Variants in ADGRG4 observed in about 807,000 individuals in gnomAD.
ADGRG4 encodes adhesion G protein-coupled receptor G4.
Under a neutral mutation model 126.2 loss-of-function variants are expected in ADGRG4, and 122 were observed. The ratio of observed to expected loss-of-function variants is 0.97; its 90% CI spans 0.83 to 1.12. The LOEUF is 1.12. Among genes scored for constraint, ADGRG4 ranks in the 50% most tolerant of loss-of-function variants. ADGRG4 has a pLI of 0.00. For synonymous variants in ADGRG4, 943 were observed against 838.7 expected, an observed-to-expected ratio of 1.12 and a Z score of -2.15; for missense variants, 2,481 against 2,251.8, an observed-to-expected ratio of 1.10 and a Z score of -2.06.
At chrX:136,303,025 T>G (rs1443362452) in intron 1 of ADGRG4, among the ~76,000 whole-genome samples, 1 of 111,777 alleles carries the variant, frequency 8.9e-6, no homozygotes, top group Non-Finnish European at 1.9e-5. Flanking sequence ...TTTTATAGTA[T>G]GTTTAAAAGC....
intron 5 of ADGRG4, among the ~76,000 whole-genome samples, chrX:136,337,081 C>T (rs1037783023): frequency 2.7e-5 from 3 of 111,099 alleles, no homozygotes; most frequent in East Asian, 5.6e-4. Flanking sequence ...CCTCCTGTCT[C>T]GGTTTCCCAA....
intron 15 of ADGRG4, among the ~76,000 whole-genome samples, chrX:136,380,599 TCCTCC>T (rs1569332953): frequency 8.3e-5 from 7 of 84,221 alleles, no homozygotes; most frequent in African/African-American, 1.4e-4. Context: ...CTCCTCCTCC[TCCTCC>T]TCTTCTTCTT....
At position 136,349,974 on chromosome X, in the gene ADGRG4, A is replaced by G. The variant is rs200886261; in HGVS notation, c.6268A>G (p.Met2090Val). The G allele has an allele frequency of 1.7e-5, 20 of 1,206,458 alleles. No homozygotes were observed. The East Asian group carries it at 5.3e-4, about 32-fold the overall frequency. ...ITTGFPTSLP[M>V]SINVTDDIVY... Reference sequence around the variant, plus strand: ...TACTGGCTTCCCAACTTCTCTCCCTATGTCTATAAATGTCACAGATGACAT... The same window carrying G: ...TACTGGCTTCCCAACTTCTCTCCCTGTGTCTATAAATGTCACAGATGACAT... Residue 2090 changes from methionine to valine, a missense_variant, in exon 6 of 26, where the codon ATG becomes GTG. Coordinates refer to ENST00000394143, the MANE Select transcript of ADGRG4 (RefSeq NM_153834.4).
At chrX:136,309,012 A>G (rs1017667270) in intron 4 of ADGRG4, among the ~76,000 whole-genome samples, 165 bp downstream of exon 4, 1 of 112,590 alleles carries the variant, frequency 8.9e-6, no homozygotes, top group African/African-American at 3.2e-5. Flanking sequence ...CAGTAAGTGA[A>G]TTAATTCATT....
Position 136,345,613 on chromosome X carries a change from C to T in ADGRG4, c.1907C>T (p.Ser636Leu). ...RSASTSKAPE[S>L]GPTSTTDEAA... is the part of the protein sequence containing the mutation. ...GCTTCCACATCCAAGGCACCTGAGTCAGGTCCCACATCCACAACTGATGAA... is the reference window on the plus strand; with the variant it reads ...GCTTCCACATCCAAGGCACCTGAGTTAGGTCCCACATCCACAACTGATGAA... The change falls in exon 6 of 26, where the codon TCA becomes TTA. Residue 636 changes from serine (S) to leucine (L), a missense_variant. Coordinates refer to ENST00000394143, the MANE Select transcript of ADGRG4 (RefSeq NM_153834.4). The T allele has an allele frequency of 8.3e-7, 1 of 1,211,017 alleles. No homozygotes were observed. Among genetic ancestry groups the T allele is most frequent in the East Asian group, 3.0e-5 (1 of 33,806 alleles).
intron 15 of ADGRG4, among the ~76,000 whole-genome samples, chrX:136,384,190 T>C (rs1439056142): frequency 3.6e-5 from 4 of 110,833 alleles, no homozygotes; most frequent in Non-Finnish European, 5.7e-5. Context: ...GGATTACAGG[T>C]GTGAGCCACC....
intron 22 of ADGRG4, among the ~76,000 whole-genome samples, chrX:136,404,030 A>T (rs2075392696): frequency 9.1e-6 from 1 of 110,178 alleles, no homozygotes; most frequent in Admixed American, 9.7e-5. Flanking sequence ...TCTTTTTATC[A>T]TTGCCTCTCA....
intron 15 of ADGRG4, among the ~76,000 whole-genome samples, chrX:136,377,463 G>A (rs1208568191): frequency 9.0e-6 from 1 of 110,791 alleles, no homozygotes. Context: ...CAAAGTGCTG[G>A]GATTACAGGC....
At chrX:136,306,205 CT>C (rs2074732484) in intron 3 of ADGRG4, 1 of 110,661 alleles carries the variant, frequency 9.0e-6, no homozygotes, top group African/African-American at 3.3e-5. Flanking sequence ...TCCCTCTTTC[CT>C]TTCCTTCCTT....
intron 5 of ADGRG4, among the ~76,000 whole-genome samples, chrX:136,337,518 C>G (rs1483151599): frequency 1.8e-5 from 2 of 112,095 alleles, no homozygotes; most frequent in African/African-American, 6.5e-5. Flanking sequence ...CTTAATTTTC[C>G]TTCATCAGAG....
chrX:136,411,036 G>T lies in ADGRG4; in HGVS notation c.8936-1229G>T, dbSNP rs776313185. Among the ~76,000 whole-genome samples the T allele has an allele frequency of 2.2e-4, 24 of 111,221 alleles. No individual in the cohort carries two copies. The Admixed American group carries it at 2.3e-3, about 11-fold the overall frequency. Reference sequence around the variant, plus strand: ...CCCCCAACTGCAGGAAATCTAATTGGTCCTCCAGGGAATTTGCAATCAAGA... The same window carrying T: ...CCCCCAACTGCAGGAAATCTAATTGTTCCTCCAGGGAATTTGCAATCAAGA... On this transcript the variant is annotated intron_variant, in intron 23 of 25. Transcript: ENST00000394143.
chrX:136,361,795 T>G (rs765214874), intron 12 of ADGRG4, among the ~76,000 whole-genome samples: 1 of 111,727 alleles, frequency 9.0e-6, no homozygotes, highest in Non-Finnish European at 1.9e-5. Context: ...AAGTTACCCA[T>G]CATCCCAGAA....
chrX:136,396,557 T>C (rs1303841757), intron 19 of ADGRG4, among the ~76,000 whole-genome samples: 1 of 93,396 alleles, frequency 1.1e-5, no homozygotes, highest in Non-Finnish European at 2.1e-5. Flanking sequence ...GTCAGGCCAC[T>C]GCACTCCAGC....
At position 136,345,340 on chromosome X, in the gene ADGRG4, C is replaced by G. The variant is rs1383512874; in HGVS notation, c.1634C>G (p.Ser545Cys). 4.1e-6 allele frequency: 5 copies of G among 1,210,732 alleles called. No homozygotes were observed. The highest frequency in any genetic ancestry group is 5.6e-6 in the Non-Finnish European group (5 of 894,717). Residue 545 changes from serine (S) to cysteine (C), a missense_variant, in exon 6 of 26, where the codon TCT becomes TGT. By Grantham distance (112) the Ser-to-Cys change is moderately radical (BLOSUM62 -1). Transcript: ENST00000394143. ...TTACCCAGAGTGGAAGATGCCATGT[C>G]TACTTCCATGTCGAAAGAGACCTCC... ...VSLPRVEDAM[S>C]TSMSKETSSK...
At chrX:136,328,618 G>A (rs2074889646) in intron 5 of ADGRG4, among the ~76,000 whole-genome samples, 2 of 112,037 alleles carry the variant, frequency 1.8e-5, no homozygotes, top group South Asian at 7.5e-4. Flanking sequence ...TCATTGATTT[G>A]CTGAGGTTCG....
chrX:136,392,418 A>G, intron 17 of ADGRG4, 64 bp downstream of exon 17: 1 of 966,324 alleles, frequency 1.0e-6, no homozygotes, highest in Admixed American at 3.0e-5. Flanking sequence ...CTTTTCTGTT[A>G]AAAGTAATTT....
intron 19 of ADGRG4, among the ~76,000 whole-genome samples, chrX:136,396,610 A>AG (rs1325600376): frequency 6.9e-4 from 70 of 101,543 alleles, no homozygotes; most frequent in East Asian, 4.6e-3. Flanking sequence ...AAAAAAAAAA[A>AG]AGAGAGAGAG....
chrX:136,302,624 A>G (rs2074708734), intron 1 of ADGRG4, among the ~76,000 whole-genome samples: 1 of 111,729 alleles, frequency 9.0e-6, no homozygotes, highest in Non-Finnish European at 1.9e-5. Context: ...GGGGAGATAG[A>G]GTTATCTGTT....
intron 8 of ADGRG4, among the ~76,000 whole-genome samples, chrX:136,355,163 A>T (rs1228048178): frequency 9.0e-6 from 1 of 111,164 alleles, no homozygotes; most frequent in Non-Finnish European, 1.9e-5. Flanking sequence ...TTATAACAAA[A>T]GACTGTAACA....
Sources: gnomAD v4.1 joint callset for allele counts (sites outside exome capture counted in the v4.1 genomes callset) on GRCh38, gnomAD v4.1.1 for gene constraint, MANE v1.5 for transcripts, NCBI Gene and HGNC (gene_info 2026-07-23, HGNC 2026-07-21) for gene names.